CTU2: variants seen among roughly 807,000 people sequenced by gnomAD.
CTU2 encodes cytoplasmic tRNA 2-thiolation protein 2.
A neutral mutation model predicts 64.1 loss-of-function variants in CTU2; 80 were observed. That is an observed-to-expected ratio of 1.25 (90% CI 1.04 to 1.50). The LOEUF (loss-of-function observed/expected upper bound fraction) is 1.50. Among genes scored for constraint, CTU2 ranks in the 40% most tolerant of loss-of-function variants. The pLI, the probability that CTU2 is intolerant of heterozygous loss-of-function variation, is 0.00. For missense variants in CTU2, 1,110 were observed against 690.2 expected, an observed-to-expected ratio of 1.61 and a Z score of -6.81; for synonymous variants, 482 against 285.3, an observed-to-expected ratio of 1.69 and a Z score of -6.95.
At chr16:88,707,335 T>A (rs924210458) in intron 2 of CTU2, 125 bp downstream of exon 2, 6 of 914,786 alleles carry the variant, frequency 6.6e-6, no homozygotes, top group Non-Finnish European at 1.0e-5. Flanking sequence ...CTGCTCCTGA[T>A]GGGGTCCCTC....
At chr16:88,714,957 G>A (rs748155180) in intron 13 of CTU2, 31 bp downstream of exon 13, 3 of 1,604,192 alleles carry the variant, frequency 1.9e-6, no homozygotes, top group South Asian at 1.1e-5. Context: ...CCTGGGCCGG[G>A]CTTGGGGACG....
At chr16:88,712,491 G>A (rs745665286) in intron 6 of CTU2, 108 bp downstream of exon 6, 35 of 1,444,792 alleles carry the variant, frequency 2.4e-5, no homozygotes, top group African/African-American at 5.6e-5. Flanking sequence ...CGGGGCTGTC[G>A]GTGGGGGGTG....
At position 88,713,297 on chromosome 16, in the gene CTU2, C is replaced by G. The variant is rs201932231; in HGVS notation, c.738-15C>G. 56 of 1,534,892 alleles carry G rather than the reference C, an allele frequency of 3.6e-5. No individual in the cohort carries two copies. The highest frequency in any genetic ancestry group is 4.4e-5 in the Non-Finnish European group (50 of 1,136,290). On this transcript the variant is annotated splice_polypyrimidine_tract_variant and intron_variant, in intron 7 of 14. Transcript: ENST00000453996. Reference sequence around the variant, plus strand: ...TCCTGCACCCCCCAGGCCCCTGAGACGCTCTGTGCTTTAGGACCCACCTGA... The same window carrying G: ...TCCTGCACCCCCCAGGCCCCTGAGAGGCTCTGTGCTTTAGGACCCACCTGA...
chr16:88,708,533 G>A (rs1039643939), intron 2 of CTU2, among the ~76,000 whole-genome samples: 1 of 152,212 alleles, frequency 6.6e-6, no homozygotes, highest in Non-Finnish European at 1.5e-5. Context: ...GACTCCCCAC[G>A]CCCAAAGCTG....
In CTU2 at chr16:88,712,393, C is replaced by G. The variant is rs771073287; in HGVS notation, c.453+10C>G. The G allele has an allele frequency of 2.5e-6, 4 of 1,589,130 alleles. No individual in the cohort carries two copies. In the African/African-American group the frequency reaches 5.4e-5, roughly 21 times the overall value. ...GGTGGCCTTAGAGGAGGTGGGAGGG[C>G]TGTCCCTGGAAAGGGGTCCCGGAGG... On this transcript the variant is annotated intron_variant, in intron 6 of 14. Coordinates refer to ENST00000453996, the MANE Select transcript of CTU2 (RefSeq NM_001012759.3).
At chr16:88,710,351 G>C (rs1911218379) in intron 4 of CTU2, 69 bp downstream of exon 4, 1 of 1,539,334 alleles carries the variant, frequency 6.5e-7, no homozygotes, top group African/African-American at 1.4e-5. Context: ...TCCCTTCTCA[G>C]CCTGCTGAGG....
rs369910606 is a variant in CTU2, at chr16:88,710,309, G to A, written c.282+27G>A. On this transcript the variant is annotated intron_variant, in intron 4 of 14. Coordinates refer to ENST00000453996, the MANE Select transcript of CTU2 (RefSeq NM_001012759.3). ...TGCGTGTTCACCACCCCGTGGGCCC[G>A]GGCTGCTGGGCTGAGCTTCAGGCTG... The A allele has an allele frequency of 1.1e-4, 171 of 1,612,408 alleles. 1 individual carries two copies. Among genetic ancestry groups the A allele is most frequent in the Admixed American group, 1.8e-4 (11 of 59,958 alleles).
chr16:88,706,781 G>C (rs1910879099), intron 1 of CTU2, 183 bp downstream of exon 1: 1 of 530,126 alleles, frequency 1.9e-6, no homozygotes, highest in African/African-American at 2.0e-5. Flanking sequence ...TACTCCACTG[G>C]CTCGCGCCTC....
At position 88,711,648 on chromosome 16, in the gene CTU2, A is replaced by G. The variant is rs1345899479; in HGVS notation, c.296A>G (p.Asp99Gly). 1.2e-6 allele frequency: 2 copies of G among 1,606,376 alleles called. No homozygotes were observed. Among genetic ancestry groups the G allele is most frequent in the Non-Finnish European group, 1.7e-6 (2 of 1,175,036 alleles). Residue 99 changes from aspartate to glycine, a missense_variant, in exon 5 of 15, where the codon GAT (aspartate) becomes GGT (glycine). Physicochemically the swap from Asp to Gly is moderately conservative, Grantham distance 94 (BLOSUM62 -1). Transcript: ENST00000453996. ...TTCTCCCTCTAGGGCCTGAGCCAAG[A>G]TTCTGCCAAAAGACTGCGCTTTGTG... is the stretch of plus-strand genomic sequence containing the variant. Reference protein sequence around the residue: ...VWQVLEGLSQDSAKRLRFVAG... With the variant: ...VWQVLEGLSQGSAKRLRFVAG...
At chr16:88,709,840 T>C in intron 2 of CTU2, 98 bp from the exon 3 acceptor site, 1 of 979,756 alleles carries the variant, frequency 1.0e-6, no homozygotes, top group Non-Finnish European at 1.6e-6. Context: ...CTTTTAAAGA[T>C]GGAGATTGGC....
intron 2 of CTU2, among the ~76,000 whole-genome samples, chr16:88,708,532 C>A (rs868743448): frequency 7.2e-5 from 11 of 152,158 alleles, no homozygotes; most frequent in Admixed American, 2.6e-4. Context: ...AGACTCCCCA[C>A]GCCCAAAGCT....
At chr16:88,706,853 A>G in intron 1 of CTU2, 1 of 559,592 alleles carries the variant, frequency 1.8e-6, no homozygotes, top group East Asian at 2.8e-5. Context: ...TTCGGAGAGA[A>G]CTGGTGCCGT....
At chr16:88,712,141 C>T in intron 5 of CTU2, 133 bp from the exon 6 acceptor site, 1 of 802,722 alleles carries the variant, frequency 1.2e-6, no homozygotes, top group Non-Finnish European at 2.1e-6. Context: ...ATGGCCGACA[C>T]CCCACAGCTC....
intron 9 of CTU2, 140 bp downstream of exon 9, chr16:88,713,918 T>C (rs1161383188): frequency 1.7e-5 from 22 of 1,264,472 alleles, no homozygotes; most frequent in Non-Finnish European, 2.5e-5. Flanking sequence ...CTGCATCCTC[T>C]GAGCCCACCC....
In CTU2 at chr16:88,713,610, G is replaced by T. The variant is rs1313703722; in HGVS notation, c.874-37G>T. 3 of 1,600,546 alleles carry T rather than the reference G, an allele frequency of 1.9e-6. No individual in the cohort carries two copies. The Admixed American group carries it at 5.1e-5, about 27-fold the overall frequency. Reference sequence around the variant, plus strand: ...GGGGAGGAGGGGCAAGCACATTCGGGCCTTGACCTGGACCACACAGCCCCT... The same window carrying T: ...GGGGAGGAGGGGCAAGCACATTCGGTCCTTGACCTGGACCACACAGCCCCT... On this transcript the variant is annotated intron_variant, in intron 8 of 14. Transcript: ENST00000453996.
intron 3 of CTU2, 23 bp downstream of exon 3, chr16:88,710,039 C>G (rs1911189791): frequency 2.5e-6 from 4 of 1,612,322 alleles, no homozygotes; most frequent in African/African-American, 1.3e-5. Flanking sequence ...TCCTGGGGGT[C>G]TGACTGAGCA....
In CTU2 at chr16:88,715,356, T is replaced by C; in HGVS notation, c.*105T>C. On this transcript the variant is annotated 3_prime_UTR_variant, in exon 15 of 15. Transcript: ENST00000453996. ...ACTGGCCTCTGATTGTCCATTTGTA[T>C]AAATAAAACATTTTTTAATTAAAAA... The C allele has an allele frequency of 8.1e-7, 1 of 1,240,742 alleles. No homozygotes were observed. The allele number at this position is 1,240,742 out of a possible 1,614,324, so 76.9% of individuals were successfully genotyped here.
At chr16:88,706,623 C>T (rs1289365702) in intron 1 of CTU2, 25 bp downstream of exon 1, 5 of 1,378,992 alleles carry the variant, frequency 3.6e-6, no homozygotes, top group South Asian at 3.2e-5. Flanking sequence ...CCGGACCCGC[C>T]AGGCCGCCCC....
Position 88,714,408 on chromosome 16 carries a change from C to T in CTU2, c.1123C>T (p.Pro375Ser), listed in dbSNP as rs1207318081. The T allele has an allele frequency of 1.2e-6, 2 of 1,612,532 alleles. No individual in the cohort carries two copies. Among genetic ancestry groups the T allele is most frequent in the Non-Finnish European group, 1.7e-6 (2 of 1,179,830 alleles). ...GACAAGTGAGAAGCTGGTGAAGGGC[C>T]CCCGGGATGGCCCTGCTGCTGGCGA... Reference protein sequence around the residue: ...YRTSEKLVKGPRDGPAAGDSG... With the variant: ...YRTSEKLVKGSRDGPAAGDSG... The change falls in exon 11 of 15, where the codon CCC becomes TCC. Residue 375 changes from proline to serine, a missense_variant. By Grantham distance (74) the Pro-to-Ser change is moderately conservative (BLOSUM62 -1). Transcript: ENST00000453996.
Sources: gnomAD v4.1 joint callset for allele counts (sites outside exome capture counted in the v4.1 genomes callset) on GRCh38, gnomAD v4.1.1 for gene constraint, MANE v1.5 for transcripts, NCBI Gene and HGNC (gene_info 2026-07-23, HGNC 2026-07-21) for gene names.